Variants in TET3 observed in about 807,000 individuals in gnomAD.
The protein encoded by TET3 is methylcytosine dioxygenase TET3.
A neutral mutation model predicts 141.4 loss-of-function variants in TET3; 19 were observed. That is an observed-to-expected ratio of 0.13 (90% CI 0.09 to 0.20). TET3 has a LOEUF of 0.20. Ranked by LOEUF, TET3 falls within the 10% of genes least tolerant of loss-of-function variation. TET3 has a pLI of 1.00. For synonymous variants in TET3, 1,043 were observed against 980.9 expected (o/e 1.06, Z -1.18); for missense variants, 1,874 against 2,356.9 (o/e 0.80, Z 4.24).
At chr2:74,081,909 T>G (rs1689851890) in intron 6 of TET3, among the ~76,000 whole-genome samples, 1 of 152,212 alleles carries the variant, frequency 6.6e-6, no homozygotes, top group Non-Finnish European at 1.5e-5. Flanking sequence ...TATTCATAAG[T>G]ATGAAGAAGC....
At chr2:74,008,132 A>T (rs1354049913) in intron 3 of TET3, among the ~76,000 whole-genome samples, 1 of 152,106 alleles carries the variant, frequency 6.6e-6, no homozygotes, top group Non-Finnish European at 1.5e-5. Flanking sequence ...CTCTGTTTTG[A>T]TGCCTCCCCA....
downstream of TET3, among the ~76,000 whole-genome samples, chr2:74,108,877 G>T (rs192505510): frequency 6.6e-6 from 1 of 152,292 alleles, no homozygotes; most frequent in East Asian, 1.9e-4. Context: ...GTCACTCTAG[G>T]TGGGAAAGTT....
chr2:74,090,705 G>A (rs958301728), intron 8 of TET3, among the ~76,000 whole-genome samples: 2 of 152,184 alleles, frequency 1.3e-5, no homozygotes, highest in East Asian at 1.9e-4. Context: ...TGTGGGGGCC[G>A]GAGCATCTGC....
chr2:74,060,669 C>T (rs917332045), intron 4 of TET3, among the ~76,000 whole-genome samples: 2 of 152,042 alleles, frequency 1.3e-5, no homozygotes, highest in Admixed American at 6.5e-5. Flanking sequence ...GAGGACCCTG[C>T]GGCCTTCCGC....
rs1426804193 is a variant in TET3, at chr2:74,087,066, TG to T, written c.2680-763del. 3.9e-5 allele frequency among the ~76,000 whole-genome samples: 6 copies of T among 152,302 alleles called. No individual in the cohort carries two copies. The East Asian group carries it at 1.2e-3, about 29-fold the overall frequency. ...TGGGTGTCTCATGTCAGTGGAATCA[TG>T]TACTATGTGTCCTTTTGTGTCTGGC... On this transcript the variant is annotated intron_variant, in intron 6 of 11. Transcript: ENST00000409262. The surrounding 1 kb of genome is among the most constrained non-coding windows in gnomAD (Gnocchi z 4.3).
chr2:74,099,601 C>G lies in TET3; in HGVS notation c.3593C>G (p.Thr1198Arg). ...GAGGCCCTGGAGCTGGCGGGCATTACGTCGGACCCAGGTGTGTGGGGGGAG... is the reference window on the plus strand; with the variant it reads ...GAGGCCCTGGAGCTGGCGGGCATTAGGTCGGACCCAGGTGTGTGGGGGGAG... ...KQEALELAGI[T>R]SDPGLSLKGG... The change falls in exon 11 of 12, where the codon ACG (threonine) becomes AGG (arginine). Residue 1198 changes from threonine (T) to arginine (R), a missense_variant. Coordinates refer to ENST00000409262, the MANE Select transcript of TET3 (RefSeq NM_001287491.2). 6.3e-7 allele frequency: 1 copy of G among 1,576,506 alleles called. No individual in the cohort carries two copies. The highest frequency in any genetic ancestry group is 8.6e-7 in the Non-Finnish European group (1 of 1,158,868).
At chr2:74,025,441 C>G (rs952090714) in intron 3 of TET3, among the ~76,000 whole-genome samples, 1 of 151,580 alleles carries the variant, frequency 6.6e-6, no homozygotes, top group Non-Finnish European at 1.5e-5. Context: ...GCACCCACCA[C>G]CACGCCCGGC....
intron 4 of TET3, among the ~76,000 whole-genome samples, chr2:74,063,684 TAC>T (rs1460714297): frequency 6.6e-6 from 1 of 152,118 alleles, no homozygotes; most frequent in African/African-American, 2.4e-5. Flanking sequence ...GGTATAAAGT[TAC>T]AGTTATGCAA....
chr2:74,093,680 C>A lies in TET3; in HGVS notation c.3267+14C>A. 6.4e-7 allele frequency: 1 copy of A among 1,570,086 alleles called. No homozygotes were observed. Among genetic ancestry groups the A allele is most frequent in the South Asian group, 1.2e-5 (1 of 86,272 alleles). On this transcript the variant is annotated intron_variant, in intron 10 of 11. Coordinates refer to ENST00000409262, the MANE Select transcript of TET3 (RefSeq NM_001287491.2). This position sits in a 1 kb window ranked among gnomAD's most constrained non-coding sequence, Gnocchi z 4.2. Reference sequence around the variant, plus strand: ...GGGTGCACCGTGGTAAGCCTGTGCCCTGTCATAGCCCCACCTGTGGGGCAA... The same window carrying A: ...GGGTGCACCGTGGTAAGCCTGTGCCATGTCATAGCCCCACCTGTGGGGCAA...
chr2:74,073,407 A>G (rs1689320188), intron 4 of TET3, 142 bp from the exon 5 acceptor site: 2 of 538,938 alleles, frequency 3.7e-6, no homozygotes, highest in South Asian at 5.2e-5. Context: ...AATGGAGTTG[A>G]ACACCTTTTC....
intron 2 of TET3, among the ~76,000 whole-genome samples, chr2:73,999,645 T>G (rs1684751226): frequency 6.6e-6 from 1 of 152,006 alleles, no homozygotes; most frequent in Admixed American, 6.6e-5. Context: ...GGGAGCACAG[T>G]AGGGTCTGGG....
intron 4 of TET3, among the ~76,000 whole-genome samples, chr2:74,068,346 A>ACT: frequency 6.9e-6 from 1 of 145,776 alleles, no homozygotes; most frequent in East Asian, 2.0e-4. Context: ...TACACGAACT[A>ACT]GCATCTTATA....
chr2:74,013,270 A>G (rs1463084477), intron 3 of TET3, among the ~76,000 whole-genome samples: 1 of 151,994 alleles, frequency 6.6e-6, no homozygotes, highest in Non-Finnish European at 1.5e-5. Flanking sequence ...CTGGGATTAC[A>G]GGCATGAGCC....
Position 74,102,845 on chromosome 2 carries a change from C to G in TET3, c.*669C>G, listed in dbSNP as rs1691307847. 6.6e-6 allele frequency: 1 copy of G among 152,212 alleles called. No individual in the cohort carries two copies. The highest frequency in any genetic ancestry group is 2.1e-4 in the South Asian group (1 of 4,832). The allele number at this position is 152,212 out of a possible 1,614,324, so 9.4% of individuals were successfully genotyped here. A position where few individuals can be genotyped will look rare whatever the true frequency, so the allele number is the denominator to read the frequency against. The stretch of plus-strand genomic sequence containing the variant: ...GTCCTCTCTGATAGGATGGGAGAGT[C>G]TGCAGAAAACCATCTGGGGTCCCTT... On this transcript the variant is annotated 3_prime_UTR_variant, in exon 12 of 12. Coordinates refer to ENST00000409262, the MANE Select transcript of TET3 (RefSeq NM_001287491.2).
intron 7 of TET3, among the ~76,000 whole-genome samples, chr2:74,089,441 C>T (rs1358488260): frequency 6.6e-6 from 1 of 152,146 alleles, no homozygotes; most frequent in Admixed American, 6.5e-5. Context: ...TTGTATTAAG[C>T]GTTAATTTTC....
At position 74,047,721 on chromosome 2, in the gene TET3, A is replaced by G; in HGVS notation, c.1804A>G (p.Ser602Gly). 6.2e-7 allele frequency: 1 copy of G among 1,613,606 alleles called. No homozygotes were observed. Among genetic ancestry groups the G allele is most frequent in the Non-Finnish European group, 8.5e-7 (1 of 1,179,724 alleles). The stretch of plus-strand genomic sequence containing the variant: ...GAAAGCTGCCCCTGGGATCAAGCCC[A>G]GTGTCCGAAAGCCCATTCAGATCAA... ...TEKAAPGIKP[S>G]VRKPIQIKKS... is the part of the protein sequence containing the mutation. The change falls in exon 4 of 12, where the codon AGT becomes GGT. Residue 602 changes from serine (S) to glycine (G), a missense_variant. Ser to Gly is a moderately conservative substitution (Grantham distance 56). Around this residue, in one of 10 missense-constraint regions of TET3, gnomAD observed 484 missense variants for 462.2 expected, o/e 1.05. Coordinates refer to ENST00000409262, the MANE Select transcript of TET3 (RefSeq NM_001287491.2).
At chr2:74,119,669 T>A in the TET3 span, among the ~76,000 whole-genome samples, 2,565 of 152,354 alleles carry the variant, frequency 0.017, 27 homozygotes, top group Middle Eastern at 0.041. Context: ...ACTGTGTGAA[T>A]AACCTATTCC....
rs190855128 is a variant in TET3, at chr2:74,067,376, G to A, written c.2495-6173G>A. 9.9e-4 allele frequency among the ~76,000 whole-genome samples: 151 copies of A among 152,298 alleles called. 3 individuals are homozygous for A. Among genetic ancestry groups the A allele is most frequent in the Middle Eastern group, 3.4e-3 (1 of 294 alleles). Reference sequence around the variant, plus strand: ...CCCACAGTCACATAGTTTGTTTGGCGGAGCCTGGACAACAGCTACCTGTTG... The same window carrying A: ...CCCACAGTCACATAGTTTGTTTGGCAGAGCCTGGACAACAGCTACCTGTTG... On this transcript the variant is annotated intron_variant, in intron 4 of 11. Transcript: ENST00000409262.
intron 2 of TET3, among the ~76,000 whole-genome samples, chr2:73,999,305 T>C (rs532608080): frequency 6.6e-6 from 1 of 152,358 alleles, no homozygotes; most frequent in South Asian, 2.1e-4. Flanking sequence ...GCAAGATACT[T>C]AGCCTGTCTG....
Sources: gnomAD v4.1 joint callset for allele counts (sites outside exome capture counted in the v4.1 genomes callset) on GRCh38, gnomAD v4.1.1 for gene constraint, gnomAD v4.1.1 regional missense constraint, Gnocchi (gnomAD v3.1) non-coding constraint, MANE v1.5 for transcripts, NCBI Gene and HGNC (gene_info 2026-07-23, HGNC 2026-07-21) for gene names.